Variants in OR7D2 observed in about 807,000 individuals in gnomAD.
OR7D2 encodes the protein olfactory receptor family 7 subfamily D member 2.
For missense variants in OR7D2, 370 were observed against 384.1 expected (o/e 0.96, Z 0.31); for synonymous variants, 158 against 158.7 (o/e 1.00, Z 0.03).
In OR7D2 at chr19:9,186,473, C is replaced by G. The variant is rs148965581; in HGVS notation, c.692C>G (p.Ser231Cys). ...IASSIRKMSS[S>C]GGKQKALSTC... is the part of the protein sequence containing the mutation. ...TCATCCATAAGGAAGATGTCCTCAT[C>G]TGGGGGAAAACAAAAAGCACTTTCC... Residue 231 changes from serine to cysteine, a missense_variant, in exon 3 of 3, where the codon TCT (serine) becomes TGT (cysteine). Ser to Cys is a moderately radical substitution (Grantham distance 112). Transcript: ENST00000641288. The G allele has an allele frequency of 7.7e-5, 125 of 1,614,140 alleles. No homozygotes were observed. The African/African-American group carries it at 1.5e-3, about 20-fold the overall frequency.
Position 9,186,300 on chromosome 19 carries a change from A to T in OR7D2, c.519A>T (p.Glu173Asp). 1 of 1,614,014 alleles carries T rather than the reference A, an allele frequency of 6.2e-7. No homozygotes were observed. Among genetic ancestry groups the T allele is most frequent in the Non-Finnish European group, 8.5e-7 (1 of 1,180,014 alleles). ...ATCTAATCTTCTGTAAAGATTTTGA[A>T]ATTCCACATTTTTTCTGCGAACTGA... is the stretch of plus-strand genomic sequence containing the variant. ...MMHLIFCKDFEIPHFFCELTY... is the reference protein window; with the variant it reads ...MMHLIFCKDFDIPHFFCELTY... Residue 173 changes from glutamate (E) to aspartate (D), a missense_variant, in exon 3 of 3, where the codon GAA (glutamate) becomes GAT (aspartate). By Grantham distance (45) the Glu-to-Asp change is conservative. Coordinates refer to ENST00000641288, the MANE Select transcript of OR7D2 (RefSeq NM_175883.4).
Position 9,186,319 on chromosome 19 carries a change from G to T in OR7D2, c.538G>T (p.Glu180Ter). 2.5e-6 allele frequency: 4 copies of T among 1,613,874 alleles called. No individual in the cohort carries two copies. Among genetic ancestry groups the T allele is most frequent in the Non-Finnish European group, 3.4e-6 (4 of 1,179,986 alleles). ...TTTTGAAATTCCACATTTTTTCTGC[G>T]AACTGACGTACATCCTCCAGCTGGC... ...KDFEIPHFFC[E>*]LTYILQLACS... is the part of the protein sequence containing the mutation. Residue 180 changes from glutamate (E) to a stop codon, truncating the protein, a stop_gained, in exon 3 of 3, where the codon GAA (glutamate) becomes TAA (stop). Transcript: ENST00000641288. LOFTEE classifies it low-confidence loss of function (END_TRUNC).
chr19:9,186,622 G>A lies in OR7D2; in HGVS notation c.841G>A (p.Val281Ile), dbSNP rs779421745. The A allele has an allele frequency of 4.3e-6, 7 of 1,614,042 alleles. No homozygotes were observed. Among genetic ancestry groups the A allele is most frequent in the South Asian group, 1.1e-5 (1 of 91,070 alleles). ...ISVASVMYTV[V>I]TPMLNPFIYS... ...CGTGGCCTCGGTGATGTACACTGTGGTCACCCCCATGTTGAACCCCTTCAT... is the reference window on the plus strand; with the variant it reads ...CGTGGCCTCGGTGATGTACACTGTGATCACCCCCATGTTGAACCCCTTCAT... Residue 281 changes from valine to isoleucine, a missense_variant, in exon 3 of 3, where the codon GTC becomes ATC. Physicochemically the swap from Val to Ile is conservative, Grantham distance 29 (BLOSUM62 3). Transcript: ENST00000641288.
Position 9,186,365 on chromosome 19 carries a change from A to G in OR7D2, c.584A>G (p.Asn195Ser), listed in dbSNP as rs747157981. 1.2e-6 allele frequency: 2 copies of G among 1,613,950 alleles called. No homozygotes were observed. The highest frequency in any genetic ancestry group is 3.3e-5 in the Admixed American group (2 of 59,984). ...LQLACSDTFL[N>S]STLIYFMTGV... The stretch of plus-strand genomic sequence containing the variant: ...CTGGCCTGCTCTGATACCTTCCTGA[A>G]CAGCACGTTGATATACTTTATGACG... The change falls in exon 3 of 3, where the codon AAC becomes AGC. Residue 195 changes from asparagine (N) to serine (S), a missense_variant. By Grantham distance (46) the Asn-to-Ser change is conservative. Coordinates refer to ENST00000641288, the MANE Select transcript of OR7D2 (RefSeq NM_175883.4).
At chr19:9,180,963 A>T (rs1012089063) in intron 2 of OR7D2, among the ~76,000 whole-genome samples, 175 bp downstream of exon 2, 1 of 152,004 alleles carries the variant, frequency 6.6e-6, no homozygotes, top group East Asian at 1.9e-4. Context: ...TATCTCTATT[A>T]AAAATACAAA....
In OR7D2 at chr19:9,187,498, TA is replaced by T. The variant is rs56165015; in HGVS notation, c.*785del. ...AGATACATACCATGTTTTCTTTTTT[TA>T]AAAAAATTTATTTTTATGTCAGTAG... On this transcript the variant is annotated 3_prime_UTR_variant, in exon 3 of 3. Coordinates refer to ENST00000641288, the MANE Select transcript of OR7D2 (RefSeq NM_175883.4). The T allele has an allele frequency of 6.0e-6, 1 of 166,156 alleles. No homozygotes were observed. Among genetic ancestry groups the T allele is most frequent in the Non-Finnish European group, 1.5e-5 (1 of 68,024 alleles). 10.3% of individuals were successfully genotyped at this position (166,156 alleles called of 1,614,324 possible). A position where few individuals can be genotyped will look rare whatever the true frequency, so the allele number is the denominator to read the frequency against.
At chr19:9,184,612 T>C (rs2051016692) in intron 2 of OR7D2, among the ~76,000 whole-genome samples, 1 of 152,200 alleles carries the variant, frequency 6.6e-6, no homozygotes, top group African/African-American at 2.4e-5. Context: ...CTCATGTTCA[T>C]TGCAGCATTA....
intron 2 of OR7D2, among the ~76,000 whole-genome samples, chr19:9,181,292 A>C (rs1314314511): frequency 6.7e-6 from 1 of 150,122 alleles, no homozygotes; most frequent in Non-Finnish European, 1.5e-5. Flanking sequence ...TAAAATTTAC[A>C]GAGCTCATTT....
chr19:9,180,666 T>C (rs2050983260), intron 1 of OR7D2, 32 bp from the exon 2 acceptor site: 1 of 60,106 alleles, frequency 1.7e-5, no homozygotes, highest in Admixed American at 2.9e-4. Flanking sequence ...TTGTCTTATA[T>C]GTGATTTTTT....
chr19:9,183,683 C>A (rs1365240151), intron 2 of OR7D2, among the ~76,000 whole-genome samples: 3 of 151,142 alleles, frequency 2.0e-5, no homozygotes, highest in African/African-American at 7.3e-5. Flanking sequence ...GTTGGCCGGG[C>A]GCGGTGGCTC....
chr19:9,184,765 A>G (rs567383671), intron 2 of OR7D2, among the ~76,000 whole-genome samples: 80 of 152,098 alleles, frequency 5.3e-4, no homozygotes, highest in Non-Finnish European at 9.4e-4. Flanking sequence ...ATATATATGT[A>G]TGTGTGTGTA....
intron 2 of OR7D2, chr19:9,182,921 T>C: frequency 2.4e-6 from 1 of 423,312 alleles, no homozygotes; most frequent in Non-Finnish European, 4.6e-6. Flanking sequence ...CAACATGGCT[T>C]TTATCGTGCC....
At position 9,179,070 on chromosome 19, in the gene OR7D2, T is replaced by A. The variant is rs1249409486; in HGVS notation, c.-158T>A. The A allele has an allele frequency of 6.6e-6, 1 of 151,558 alleles. No homozygotes were observed. The highest frequency in any genetic ancestry group is 2.4e-5 in the African/African-American group (1 of 41,112). 9.4% of individuals were successfully genotyped at this position (151,558 alleles called of 1,614,324 possible). A position where few individuals can be genotyped will look rare whatever the true frequency, so the allele number is the denominator to read the frequency against. The stretch of plus-strand genomic sequence containing the variant: ...TCCCTGCTAGATTCTGTCTTCAGCA[T>A]TCAACAGTCAGGGGAGGAAGACGTC... On this transcript the variant is annotated 5_prime_UTR_variant, in exon 1 of 3. Transcript: ENST00000641288.
rs118174515 is a variant in OR7D2, at chr19:9,182,493, T to C, written c.-14+1705T>C. ...GTACATAAAATACATGCATACTTTATTTATTTATTTATTTATTTATTATCA... is the reference window on the plus strand; with the variant it reads ...GTACATAAAATACATGCATACTTTACTTATTTATTTATTTATTTATTATCA... On this transcript the variant is annotated intron_variant, in intron 2 of 2. Coordinates refer to ENST00000641288, the MANE Select transcript of OR7D2 (RefSeq NM_175883.4). 6 of 216,598 alleles carry C rather than the reference T, an allele frequency of 2.8e-5. No homozygotes were observed. In the East Asian group the frequency reaches 5.7e-4, roughly 21 times the overall value. 13.4% of individuals were successfully genotyped at this position (216,598 alleles called of 1,614,324 possible).
At chr19:9,182,488 C>CTTTCTTTATTTATTTA (rs1555716344) in intron 2 of OR7D2, 1 of 226,480 alleles carries the variant, frequency 4.4e-6, no homozygotes, top group Non-Finnish European at 9.2e-6. Flanking sequence ...TACATGCATA[C>CTTTCTTTATTTATTTA]TTTATTTATT....
At chr19:9,185,605 G>A (rs7249045) in intron 2 of OR7D2, 164 bp from the exon 3 acceptor site, 30,122 of 384,120 alleles carry the variant, frequency 0.078, 1,929 homozygotes, top group African/African-American at 0.23. Flanking sequence ...TATTTTTTGA[G>A]ACAGTTCTCC....
Position 9,183,697 on chromosome 19 carries a change from C to A in OR7D2, c.-13-2072C>A, listed in dbSNP as rs187566607. On this transcript the variant is annotated intron_variant, in intron 2 of 2. Transcript: ENST00000641288. ...AGTTGGCCGGGCGCGGTGGCTCACG[C>A]CTGTAATCCCAGCACTTTGGGAGGC... is the stretch of plus-strand genomic sequence containing the variant. 1.2e-3 allele frequency among the ~76,000 whole-genome samples: 183 copies of A among 151,550 alleles called. 1 individual carries two copies. Among genetic ancestry groups the A allele is most frequent in the Non-Finnish European group, 1.9e-3 (132 of 67,856 alleles).
Position 9,185,882 on chromosome 19 carries a change from T to C in OR7D2, c.101T>C (p.Met34Thr). 6.2e-7 allele frequency: 1 copy of C among 1,614,004 alleles called. No individual in the cohort carries two copies. The change falls in exon 3 of 3, where the codon ATG (methionine) becomes ACG (threonine). Residue 34 changes from methionine to threonine, a missense_variant. Met to Thr is a moderately conservative substitution (Grantham distance 81, BLOSUM62 -1). Transcript: ENST00000641288. Reference protein sequence around the residue: ...QPFIFGLFLSMYLVTVLGNLL... With the variant: ...QPFIFGLFLSTYLVTVLGNLL... ...TTCATATTTGGGCTGTTCCTGTCCA[T>C]GTACCTGGTGACGGTGCTGGGAAAC...
At chr19:9,183,768 T>G (rs1046771610) in intron 2 of OR7D2, among the ~76,000 whole-genome samples, 2 of 146,066 alleles carry the variant, frequency 1.4e-5, no homozygotes, top group Non-Finnish European at 3.0e-5. Flanking sequence ...CCATCCTGGC[T>G]AACACGGTGA....
Sources: allele counts gnomAD v4.1 joint callset (sites outside exome capture counted in the v4.1 genomes callset), GRCh38; gene constraint gnomAD v4.1.1; transcripts MANE v1.5; gene names NCBI Gene and HGNC (gene_info 2026-07-23, HGNC 2026-07-21).